The following NIFK variants were observed in gnomAD, a reference collection of about 807,000 sequenced individuals.
NIFK encodes the protein MKI67 FHA domain-interacting nucleolar phosphoprotein.
A neutral mutation model predicts 31.7 loss-of-function variants in NIFK; 16 were observed. That is an observed-to-expected ratio of 0.50 (90% confidence interval 0.34 to 0.77). The LOEUF (loss-of-function observed/expected upper bound fraction) is 0.77, where lower values mean the gene tolerates loss of function less well. Among genes scored for constraint, NIFK ranks in the 30% least tolerant of loss-of-function variants. The pLI is 0.01. For synonymous variants in NIFK, 126 were observed against 123.0 expected (o/e 1.02, Z -0.16); for missense variants, 341 against 350.4 (o/e 0.97, Z 0.21).
In NIFK at chr2:121,728,621, C is replaced by T. The variant is rs1573372623; in HGVS notation, c.565-85G>A. 16 of 741,530 alleles carry T rather than the reference C, an allele frequency of 2.2e-5. No homozygotes were observed. The East Asian group carries it at 4.3e-4, about 20-fold the overall frequency. The allele number at this position is 741,530 out of a possible 1,614,324, so 45.9% of individuals were successfully genotyped here. A position where few individuals can be genotyped will look rare whatever the true frequency, so the allele number is the denominator to read the frequency against. On this transcript the variant is annotated intron_variant, in intron 4 of 6. Transcript: ENST00000285814. ...ATCCTCATATATATTATCAGTAAAT[C>T]CTCCCTAAATGACAAGAGCATTTCA...
chr2:121,735,710 A>G lies in NIFK; in HGVS notation c.146T>C (p.Val49Ala). Residue 49 changes from valine (V) to alanine (A), a missense_variant, in exon 2 of 7, where the codon GTG becomes GCG. Transcript: ENST00000285814. ...QEQLTPGVVY[V>A]RHLPNLLDET... ...GTCAAGTAGGTTAGGTAGGTGGCGC[A>G]CATAGACTACTCCAGGAGTAAGTTG... is the stretch of plus-strand genomic sequence containing the variant. 6.2e-7 allele frequency: 1 copy of G among 1,613,626 alleles called. No individual in the cohort carries two copies. The highest frequency in any genetic ancestry group is 1.3e-5 in the African/African-American group (1 of 75,048).
At chr2:121,730,794 A>C (rs770054173) in intron 4 of NIFK, 99 bp downstream of exon 4, 1 of 791,866 alleles carries the variant, frequency 1.3e-6, no homozygotes, top group South Asian at 1.6e-5. Flanking sequence ...GCAGTGAGTC[A>C]AGATTGTGGT....
intron 3 of NIFK, among the ~76,000 whole-genome samples, chr2:121,731,769 C>T (rs2074542513): frequency 6.6e-6 from 1 of 152,182 alleles, no homozygotes; most frequent in Admixed American, 6.5e-5. Flanking sequence ...CTGGCTCACT[C>T]CTGTTTAGTC....
Position 121,736,815 on chromosome 2 carries a change from C to T in NIFK, c.36G>A (p.Leu12=), listed in dbSNP as rs1559907436. ...ATFSGPAGPI[L]SLNPQEDVEF... is the part of the protein sequence containing the mutation. ...CGACATCTTCCTGCGGATTAAGCGA[C>T]AGGATTGGCCCAGCCGGGCCAGAAA... The change falls in exon 1 of 7, where the codon CTG becomes CTA. Residue 12 remains leucine (L), a synonymous_variant. Coordinates refer to ENST00000285814, the MANE Select transcript of NIFK (RefSeq NM_032390.5). 2 of 1,614,216 alleles carry T rather than the reference C, an allele frequency of 1.2e-6. No individual in the cohort carries two copies. Among genetic ancestry groups the T allele is most frequent in the Non-Finnish European group, 1.7e-6 (2 of 1,180,024 alleles).
At chr2:121,734,710 C>T (rs2074567192) in intron 2 of NIFK, among the ~76,000 whole-genome samples, 1 of 152,132 alleles carries the variant, frequency 6.6e-6, no homozygotes, top group African/African-American at 2.4e-5. Flanking sequence ...AGGAGAATTG[C>T]TTGAACCCGG....
intron 4 of NIFK, 147 bp downstream of exon 4, chr2:121,730,746 G>A (rs909567960): frequency 9.5e-6 from 6 of 634,662 alleles, no homozygotes; most frequent in Non-Finnish European, 1.4e-5. Flanking sequence ...TGGGAGGCTA[G>A]AGGCAGGAGA....
At chr2:121,728,056 A>G in intron 6 of NIFK, 144 bp from the exon 7 acceptor site, 1 of 794,426 alleles carries the variant, frequency 1.3e-6, no homozygotes, top group Non-Finnish European at 1.9e-6. Flanking sequence ...ACTATTGCAA[A>G]GAATAAAGAA....
rs2074498167 is a variant in NIFK at position 121,727,370 on chromosome 2, C to G, written c.*354G>C. 1 of 485,914 alleles carries G rather than the reference C, an allele frequency of 2.1e-6. No individual in the cohort carries two copies. The allele number at this position is 485,914 out of a possible 1,614,324, so 30.1% of individuals were successfully genotyped here. ...TAGATGGACAAACAAGATTGGTGGTCTTTAATTGCTGGCGACAGAAAAGGC... is the reference window on the plus strand; with the variant it reads ...TAGATGGACAAACAAGATTGGTGGTGTTTAATTGCTGGCGACAGAAAAGGC... On this transcript the variant is annotated 3_prime_UTR_variant, in exon 7 of 7. Coordinates refer to ENST00000285814, the MANE Select transcript of NIFK (RefSeq NM_032390.5).
intron 5 of NIFK, 58 bp from the exon 6 acceptor site, chr2:121,728,414 AAT>A: frequency 2.0e-6 from 3 of 1,479,036 alleles, no homozygotes; most frequent in East Asian, 2.3e-5. Context: ...AGTAGTCTTG[AAT>A]ATGTTTTCCT....
intron 2 of NIFK, among the ~76,000 whole-genome samples, 170 bp from the exon 3 acceptor site, chr2:121,732,374 A>G (rs2074547611): frequency 6.6e-6 from 1 of 152,234 alleles, no homozygotes; most frequent in East Asian, 1.9e-4. Flanking sequence ...GTTATGGGAA[A>G]AAGAAAAGAT....
chr2:121,733,040 C>T (rs2074555204), intron 2 of NIFK, among the ~76,000 whole-genome samples: 1 of 151,938 alleles, frequency 6.6e-6, no homozygotes, highest in Non-Finnish European at 1.5e-5. Flanking sequence ...TGAGATCGCG[C>T]CACTGCACTC....
At position 121,735,652 on chromosome 2, in the gene NIFK, A is replaced by G; in HGVS notation, c.204T>C (p.Phe68=). 1.2e-6 allele frequency: 2 copies of G among 1,612,454 alleles called. No homozygotes were observed. The highest frequency in any genetic ancestry group is 1.7e-6 in the Non-Finnish European group (2 of 1,179,928). Residue 68 remains phenylalanine (F), a synonymous_variant, in exon 2 of 7, where the codon TTT becomes TTC. Transcript: ENST00000285814. ...ACAGCCTGAACCGTGTCACAGTGCC[A>G]AACTGGGAGAAATATGAAAAGATCT... ...ETQIFSYFSQ[F]GTVTRFRLSR...
At position 121,727,327 on chromosome 2, in the gene NIFK, T is replaced by C; in HGVS notation, c.*397A>G. On this transcript the variant is annotated 3_prime_UTR_variant, in exon 7 of 7. Coordinates refer to ENST00000285814, the MANE Select transcript of NIFK (RefSeq NM_032390.5). The stretch of plus-strand genomic sequence containing the variant: ...ATCTAAAGCACCTCCATGAGTTAAA[T>C]GTCCCCGACAAACCATGTAGATGGA... 1 of 453,268 alleles carries C rather than the reference T, an allele frequency of 2.2e-6. No individual in the cohort carries two copies. The highest frequency in any genetic ancestry group is 1.6e-5 in the South Asian group (1 of 61,806). 28.1% of individuals were successfully genotyped at this position (453,268 alleles called of 1,614,324 possible).
Position 121,727,212 on chromosome 2 carries a change from T to A in NIFK, c.*512A>T. The A allele has an allele frequency of 3.4e-6, 1 of 291,026 alleles. No homozygotes were observed. The highest frequency in any genetic ancestry group is 3.6e-5 in the South Asian group (1 of 27,496). The allele number at this position is 291,026 out of a possible 1,614,324, so 18.0% of individuals were successfully genotyped here. A position where few individuals can be genotyped will look rare whatever the true frequency, so the allele number is the denominator to read the frequency against. On this transcript the variant is annotated 3_prime_UTR_variant, in exon 7 of 7. Coordinates refer to ENST00000285814, the MANE Select transcript of NIFK (RefSeq NM_032390.5). ...TCATTTTTGAATCTCTATTAAAATCTGAACACATAAACAAATCTGTGCTAA... is the reference window on the plus strand; with the variant it reads ...TCATTTTTGAATCTCTATTAAAATCAGAACACATAAACAAATCTGTGCTAA...
chr2:121,735,040 T>C (rs575020645), intron 2 of NIFK, among the ~76,000 whole-genome samples: 1 of 152,202 alleles, frequency 6.6e-6, no homozygotes, highest in Non-Finnish European at 1.5e-5. Context: ...AAACAAGCTA[T>C]GTAAAGCGTT....
At chr2:121,732,297 T>TA (rs1238042678) in intron 2 of NIFK, 93 bp from the exon 3 acceptor site, 46 of 721,316 alleles carry the variant, frequency 6.4e-5, no homozygotes, top group Admixed American at 5.4e-4. Flanking sequence ...TAATGTATAT[T>TA]AGCCCCTTAT....
chr2:121,730,834 C>T (rs2074533709), intron 4 of NIFK, 59 bp downstream of exon 4: 1 of 1,194,882 alleles, frequency 8.4e-7, no homozygotes, highest in Non-Finnish European at 1.2e-6. Flanking sequence ...TTACAAGGTA[C>T]AAAGCTGCCC....
At chr2:121,728,421 T>C (rs893943201) in intron 5 of NIFK, 56 bp downstream of exon 5, 1 of 1,485,322 alleles carries the variant, frequency 6.7e-7, no homozygotes, top group Non-Finnish European at 9.3e-7. Flanking sequence ...TTGAATATGT[T>C]TTCCTACTTA....
chr2:121,729,383 A>G (rs989209893), intron 4 of NIFK, among the ~76,000 whole-genome samples: 38 of 151,654 alleles, frequency 2.5e-4, no homozygotes, highest in African/African-American at 9.2e-4. Flanking sequence ...AAAAAAAAAA[A>G]AAGAAAAGAA....
Sources: gnomAD v4.1 joint callset for allele counts (sites outside exome capture counted in the v4.1 genomes callset) on GRCh38, gnomAD v4.1.1 for gene constraint, MANE v1.5 for transcripts, NCBI Gene and HGNC (gene_info 2026-07-23, HGNC 2026-07-21) for gene names.